Variants in RBMS1 observed in about 807,000 individuals in gnomAD.
RBMS1 encodes RNA binding motif single stranded interacting protein 1.
A neutral mutation model predicts 62.3 loss-of-function variants in RBMS1; 17 were observed. The ratio of observed to expected loss-of-function variants is 0.27; its 90% CI spans 0.19 to 0.41. RBMS1 has a LOEUF of 0.41. Among genes scored for constraint, RBMS1 ranks in the 10% least tolerant of loss-of-function variants. RBMS1 has a pLI of 1.00. For synonymous variants in RBMS1, 172 were observed against 170.0 expected (o/e 1.01, Z -0.09); for missense variants, 334 against 504.5 (o/e 0.66, Z 3.24).
intron 1 of RBMS1, among the ~76,000 whole-genome samples, chr2:160,447,904 A>T (rs1018179493): frequency 1.3e-5 from 2 of 152,218 alleles, no homozygotes; most frequent in Non-Finnish European, 2.9e-5. Flanking sequence ...CAAGACTCTG[A>T]TCTGAGTCTT....
At chr2:160,400,512 G>T (rs1197811581) in intron 1 of RBMS1, among the ~76,000 whole-genome samples, 1 of 152,024 alleles carries the variant, frequency 6.6e-6, no homozygotes. Context: ...ATTAAATGTG[G>T]AGAAAATTTA....
At chr2:160,440,076 G>A (rs1177239633) in intron 1 of RBMS1, among the ~76,000 whole-genome samples, 1 of 112,252 alleles carries the variant, frequency 8.9e-6, no homozygotes, top group African/African-American at 3.6e-5. Context: ...CGTGGAGAGG[G>A]GAGAGGGGAG....
At chr2:160,363,106 C>T (rs965448541) in intron 2 of RBMS1, among the ~76,000 whole-genome samples, 1 of 152,152 alleles carries the variant, frequency 6.6e-6, no homozygotes, top group African/African-American at 2.4e-5. Context: ...ATGCTTATCA[C>T]AATTTTTGAT....
chr2:160,383,580 T>C (rs917032699), intron 1 of RBMS1, among the ~76,000 whole-genome samples: 2 of 152,148 alleles, frequency 1.3e-5, no homozygotes, highest in Non-Finnish European at 2.9e-5. Context: ...ATACAATGTG[T>C]AGTAATCAGA....
chr2:160,389,545 A>G (rs1384131890), intron 1 of RBMS1, among the ~76,000 whole-genome samples: 2 of 151,990 alleles, frequency 1.3e-5, no homozygotes, highest in East Asian at 3.9e-4. Context: ...TAAAAATACA[A>G]AAATTAGCCA....
intron 1 of RBMS1, among the ~76,000 whole-genome samples, chr2:160,490,097 A>C (rs1023925039): frequency 6.6e-6 from 1 of 152,150 alleles, no homozygotes; most frequent in Admixed American, 6.5e-5. Context: ...TTAAGTTAAA[A>C]TATGTTAGAT....
chr2:160,471,689 G>GTGTGTGTATGTATA (rs1439769508), intron 1 of RBMS1, among the ~76,000 whole-genome samples: 1 of 23,840 alleles, frequency 4.2e-5, no homozygotes, highest in Non-Finnish European at 7.3e-5. Flanking sequence ...AAATCCTTTG[G>GTGTGTGTATGTATA]TGTATATATA....
chr2:160,489,562 G>T (rs1179632100), intron 1 of RBMS1, among the ~76,000 whole-genome samples: 6 of 152,090 alleles, frequency 3.9e-5, no homozygotes, highest in Non-Finnish European at 8.8e-5. Flanking sequence ...GTTCAATGCA[G>T]AAAAACTGCT....
chr2:160,356,703 T>C (rs1692821133), intron 2 of RBMS1, among the ~76,000 whole-genome samples: 1 of 152,202 alleles, frequency 6.6e-6, no homozygotes, highest in South Asian at 2.1e-4. Context: ...GCTCTTGGAC[T>C]TTCCAGCCTC....
At chr2:160,318,611 T>A (rs986481306) in intron 2 of RBMS1, among the ~76,000 whole-genome samples, 15 of 152,244 alleles carry the variant, frequency 9.9e-5, no homozygotes, top group African/African-American at 3.6e-4. Context: ...AACAGGAAAG[T>A]ACTGTCCTAT....
At chr2:160,423,282 T>C (rs893580991) in intron 1 of RBMS1, among the ~76,000 whole-genome samples, 2 of 151,754 alleles carry the variant, frequency 1.3e-5, no homozygotes, top group Admixed American at 6.6e-5. Flanking sequence ...TACATTAATA[T>C]ATTTTCCTTT....
At chr2:160,357,299 G>A (rs1387892575) in intron 2 of RBMS1, among the ~76,000 whole-genome samples, 1 of 152,014 alleles carries the variant, frequency 6.6e-6, no homozygotes, top group African/African-American at 2.4e-5. Context: ...ATATTAAAAC[G>A]GGTTTGCCAA....
chr2:160,476,220 C>T (rs1225787551), intron 1 of RBMS1, among the ~76,000 whole-genome samples: 1 of 152,088 alleles, frequency 6.6e-6, no homozygotes, highest in Non-Finnish European at 1.5e-5. Context: ...TCATTGAATA[C>T]TTGGTTTTTT....
chr2:160,430,076 G>C (rs1366512640), intron 1 of RBMS1, among the ~76,000 whole-genome samples: 1 of 152,220 alleles, frequency 6.6e-6, no homozygotes, highest in East Asian at 1.9e-4. Flanking sequence ...TCAACAGCCA[G>C]ACAACTGTGA....
chr2:160,414,087 G>A (rs1696126422), intron 1 of RBMS1, among the ~76,000 whole-genome samples: 1 of 152,170 alleles, frequency 6.6e-6, no homozygotes, highest in Admixed American at 6.5e-5. Flanking sequence ...CATTGGGCAA[G>A]GCACTTATCC....
At chr2:160,312,441 A>G (rs1293907344) in intron 4 of RBMS1, among the ~76,000 whole-genome samples, 1 of 152,244 alleles carries the variant, frequency 6.6e-6, no homozygotes, top group African/African-American at 2.4e-5. Context: ...ATATATATTA[A>G]GCATGAAACA....
chr2:160,294,700 C>T (rs1055720202), intron 6 of RBMS1, among the ~76,000 whole-genome samples: 2 of 152,206 alleles, frequency 1.3e-5, no homozygotes, highest in African/African-American at 4.8e-5. Flanking sequence ...AGTATTCTGA[C>T]AGGAATCATC....
At chr2:160,290,459 T>C (rs1171642366) in intron 6 of RBMS1, among the ~76,000 whole-genome samples, 3 of 152,180 alleles carry the variant, frequency 2.0e-5, no homozygotes, top group African/African-American at 7.2e-5. Flanking sequence ...CAAATAATTC[T>C]GACAAATGAT....
intron 2 of RBMS1, among the ~76,000 whole-genome samples, chr2:160,324,820 A>C (rs112452536): frequency 1.1e-4 from 17 of 149,368 alleles, no homozygotes. Context: ...GTAATTACTT[A>C]CAGGTATACA....
Sources: allele counts gnomAD v4.1 joint callset (sites outside exome capture counted in the v4.1 genomes callset), GRCh38; gene constraint gnomAD v4.1.1; transcripts MANE v1.5; gene names NCBI Gene and HGNC (gene_info 2026-07-23, HGNC 2026-07-21).